The following TMEM33 variants were observed in gnomAD, a reference collection of about 807,000 sequenced individuals.
The protein encoded by TMEM33 is transmembrane protein 33.
TMEM33 carries 16 observed loss-of-function variants against 29.7 expected under a neutral mutation model. That is an observed-to-expected ratio of 0.54 (90% CI 0.36 to 0.82). The LOEUF is 0.82. TMEM33 is among the 40% of genes least tolerant of loss of function. The pLI is 0.00. For synonymous variants in TMEM33, 112 were observed against 109.4 expected, an observed-to-expected ratio of 1.02 and a Z score of -0.15; for missense variants, 252 against 295.3, an observed-to-expected ratio of 0.85 and a Z score of 1.08.
chr4:41,950,191 C>T, intron 6 of TMEM33, among the ~76,000 whole-genome samples: 1 of 152,010 alleles, frequency 6.6e-6, no homozygotes, highest in Non-Finnish European at 1.5e-5. Context: ...CTGTAGTTTT[C>T]AGGAATGGAG....
At chr4:41,935,207 C>A (rs886832096), upstream of TMEM33, 3 of 565,086 alleles carry the variant, frequency 5.3e-6, no homozygotes, top group Non-Finnish European at 9.5e-6. Flanking sequence ...CCCGAAGCTC[C>A]ACCTTCGCTC....
At chr4:41,940,282 G>A (rs1302446713) in intron 3 of TMEM33, among the ~76,000 whole-genome samples, 1 of 151,722 alleles carries the variant, frequency 6.6e-6, no homozygotes, top group Non-Finnish European at 1.5e-5. Context: ...TTTTCCTGTA[G>A]ATTATCTCTG....
At position 41,943,798 on chromosome 4, in the gene TMEM33, C is replaced by T. The variant is rs767718252; in HGVS notation, c.380C>T (p.Thr127Met). 2.6e-5 allele frequency: 42 copies of T among 1,613,736 alleles called. No homozygotes were observed. The highest frequency in any genetic ancestry group is 4.5e-5 in the East Asian group (2 of 44,792). Reference sequence around the variant, plus strand: ...TCTTTGCTTCATGCTGCCACATATACGAAAAAGGTCCTTGACGTAAGTAAA... The same window carrying T: ...TCTTTGCTTCATGCTGCCACATATATGAAAAAGGTCCTTGACGTAAGTAAA... ...LFSLLHAATYTKKVLDARGSN... is the reference protein window; with the variant it reads ...LFSLLHAATYMKKVLDARGSN... The change falls in exon 4 of 7, where the codon ACG (threonine) becomes ATG (methionine). Residue 127 changes from threonine to methionine, a missense_variant. By Grantham distance (81) the Thr-to-Met change is moderately conservative. Transcript: ENST00000504986.
At position 41,939,387 on chromosome 4, in the gene TMEM33, TC is replaced by T; in HGVS notation, c.328+6del. On this transcript the variant is annotated splice_donor_5th_base_variant and intron_variant, in intron 3 of 6. Transcript: ENST00000504986. ...GTAAATTCCTATCCAGTTACAAGTA[TC>T]CTTTTCTACCTTGTTAACAATGAAA... 6.2e-7 allele frequency: 1 copy of T among 1,611,532 alleles called. No homozygotes were observed.
chr4:41,938,113 C>T (rs577692046), intron 1 of TMEM33, among the ~76,000 whole-genome samples: 1 of 152,322 alleles, frequency 6.6e-6, no homozygotes, highest in East Asian at 1.9e-4. Context: ...TTTCTTTAAT[C>T]CCAACTGGCT....
At chr4:41,940,046 C>CCTTTTTTTTTTTTTTTTTTT (rs1553910603) in intron 3 of TMEM33, among the ~76,000 whole-genome samples, 3 of 81,358 alleles carry the variant, frequency 3.7e-5, no homozygotes, top group Admixed American at 1.6e-4. Flanking sequence ...GTTAAACTTT[C>CCTTTTTTTTTTTTTTTTTTT]TTTTTTTTTT....
chr4:41,949,740 G>A lies in TMEM33; in HGVS notation c.614+355G>A, dbSNP rs79620587. Among the ~76,000 whole-genome samples the A allele has an allele frequency of 2.4e-3, 364 of 152,216 alleles. 2 individuals carry two copies. The highest frequency in any genetic ancestry group is 3.0e-3 in the Non-Finnish European group (205 of 67,998). On this transcript the variant is annotated intron_variant, in intron 6 of 6. Coordinates refer to ENST00000504986, the MANE Select transcript of TMEM33 (RefSeq NM_018126.3). Reference sequence around the variant, plus strand: ...AGGATACAGAATTCACAAGCCAATAGATAATGAATGCCATATGTTTGCTTT... The same window carrying A: ...AGGATACAGAATTCACAAGCCAATAAATAATGAATGCCATATGTTTGCTTT...
At chr4:41,952,207 C>A (rs1713071851) in intron 6 of TMEM33, among the ~76,000 whole-genome samples, 1 of 152,138 alleles carries the variant, frequency 6.6e-6, no homozygotes. Context: ...TGTAATGGTG[C>A]TCTCACGAAG....
intron 6 of TMEM33, among the ~76,000 whole-genome samples, chr4:41,951,319 G>T (rs1713030409): frequency 6.6e-6 from 1 of 152,076 alleles, no homozygotes; most frequent in South Asian, 2.1e-4. Context: ...GGCAACTGTG[G>T]GTCAGCACAC....
At chr4:41,936,902 A>T (rs533078486) in intron 1 of TMEM33, among the ~76,000 whole-genome samples, 51 of 152,242 alleles carry the variant, frequency 3.3e-4, no homozygotes, top group South Asian at 6.2e-4. Context: ...TCATTGCAGA[A>T]TTTGTTTGAT....
At chr4:41,949,175 T>G in intron 5 of TMEM33, 127 bp from the exon 6 acceptor site, 1 of 547,992 alleles carries the variant, frequency 1.8e-6, no homozygotes. Context: ...TTAGACATGA[T>G]AGATTTCACT....
Position 41,959,042 on chromosome 4 carries a change from A to G in TMEM33, c.*4843A>G, listed in dbSNP as rs1424725610. The G allele has an allele frequency of 1.3e-5, 2 of 152,130 alleles. No homozygotes were observed. Among genetic ancestry groups the G allele is most frequent in the African/African-American group, 4.8e-5 (2 of 41,434 alleles). 9.4% of individuals were successfully genotyped at this position (152,130 alleles called of 1,614,324 possible). A position where few individuals can be genotyped will look rare whatever the true frequency, so the allele number is the denominator to read the frequency against. On this transcript the variant is annotated 3_prime_UTR_variant, in exon 7 of 7. Transcript: ENST00000504986. ...TGAGACAACTAGTTTCCCTTAACTC[A>G]TTGGAATTCTCTAGGATTAGGAGAA...
At chr4:41,949,448 C>A in intron 6 of TMEM33, 63 bp downstream of exon 6, 1 of 1,324,926 alleles carries the variant, frequency 7.5e-7, no homozygotes, top group Non-Finnish European at 1.0e-6. Context: ...ATATAGTATT[C>A]GCAATTCTTA....
chr4:41,951,679 G>T (rs989227072), intron 6 of TMEM33, among the ~76,000 whole-genome samples: 1 of 152,202 alleles, frequency 6.6e-6, no homozygotes, highest in Non-Finnish European at 1.5e-5. Flanking sequence ...ATGTAAGTCA[G>T]TGTGATGATG....
At chr4:41,939,893 A>G in intron 3 of TMEM33, 1 of 415,612 alleles carries the variant, frequency 2.4e-6, no homozygotes, top group South Asian at 1.7e-5. Flanking sequence ...ATAAGGACAC[A>G]CATGGATAAT....
chr4:41,950,972 C>G (rs1713012902), intron 6 of TMEM33, among the ~76,000 whole-genome samples: 1 of 152,108 alleles, frequency 6.6e-6, no homozygotes, highest in South Asian at 2.1e-4. Context: ...TATAAGCACC[C>G]ATTTTAACCA....
rs1274049772 is a variant in TMEM33, at chr4:41,935,490, A to G, written c.6A>G (p.Ala2=). 1.2e-6 allele frequency: 2 copies of G among 1,609,794 alleles called. No individual in the cohort carries two copies. The highest frequency in any genetic ancestry group is 1.7e-6 in the Non-Finnish European group (2 of 1,178,132). M[A]DTTPNGPQGA... is the part of the protein sequence containing the mutation. Reference sequence around the variant, plus strand: ...AGACGCTAGTGTGAGCCCCCATGGCAGATACGACCCCGAACGGCCCCCAAG... The same window carrying G: ...AGACGCTAGTGTGAGCCCCCATGGCGGATACGACCCCGAACGGCCCCCAAG... Residue 2 remains alanine (A), a synonymous_variant, in exon 1 of 7, where the codon GCA becomes GCG. Coordinates refer to ENST00000504986, the MANE Select transcript of TMEM33 (RefSeq NM_018126.3).
chr4:41,937,285 CTG>C (rs1712289526), intron 1 of TMEM33, among the ~76,000 whole-genome samples: 1 of 152,168 alleles, frequency 6.6e-6, no homozygotes, highest in Non-Finnish European at 1.5e-5. Context: ...TGTTGAGAAA[CTG>C]AGCACAGTAA....
At chr4:41,944,970 G>T (rs760663578) in intron 5 of TMEM33, 44 bp downstream of exon 5, 1 of 1,596,892 alleles carries the variant, frequency 6.3e-7, no homozygotes, top group Admixed American at 1.8e-5. Flanking sequence ...ATGACTGAAC[G>T]TAATAAAGAT....
Sources: gnomAD v4.1 joint callset for allele counts (sites outside exome capture counted in the v4.1 genomes callset) on GRCh38, gnomAD v4.1.1 for gene constraint, MANE v1.5 for transcripts, NCBI Gene and HGNC (gene_info 2026-07-23, HGNC 2026-07-21) for gene names.